Variants in TNK2 observed in about 807,000 individuals in gnomAD.
TNK2 encodes the protein tyrosine kinase non receptor 2, also known as activated CDC42 kinase 1.
In TNK2, 83 loss-of-function variants were observed where a neutral mutation model predicts 101.8. That is an observed-to-expected ratio of 0.82 (90% CI 0.68 to 0.98). TNK2 has a LOEUF of 0.98. Ranked by LOEUF, TNK2 falls within the 50% of genes least tolerant of loss-of-function variation. The probability of loss-of-function intolerance (pLI) is 0.00; values close to 1 mark genes in which losing one functional copy is unlikely to be tolerated. For synonymous variants in TNK2, 804 were observed against 633.0 expected, an observed-to-expected ratio of 1.27 and a Z score of -4.06; for missense variants, 1,665 against 1,483.2, an observed-to-expected ratio of 1.12 and a Z score of -2.01.
rs531444440 is a variant in TNK2, at chr3:195,868,058, C to A, written c.2240G>T (p.Gly747Val). 230 of 1,602,110 alleles carry A rather than the reference C, an allele frequency of 1.4e-4. No homozygotes were observed. Among genetic ancestry groups the A allele is most frequent in the Non-Finnish European group, 1.7e-4 (202 of 1,176,550 alleles). Residue 747 changes from glycine to valine, a missense_variant, in exon 13 of 16, where the codon GGG (glycine) becomes GTG (valine). By Grantham distance (109) the Gly-to-Val change is moderately radical. Around this residue, in one of 3 missense-constraint regions of TNK2, gnomAD observed 1,136 missense variants for 894.9 expected, o/e 1.27. Coordinates refer to ENST00000672887, the MANE Select transcript of TNK2 (RefSeq NM_001382273.1). ...AGGCACCTGGGGCTTGTCGTCACCC[C>A]CCGGGCTGGGAGAGGGGGCCGGGGA... is the stretch of plus-strand genomic sequence containing the variant. ...AGSPAPSPSP[G>V]GDDKPQVPPR...
intron 9 of TNK2, chr3:195,876,390 G>A (rs1028640590): frequency 7.7e-5 from 35 of 456,376 alleles, no homozygotes; most frequent in African/African-American, 6.6e-4. Flanking sequence ...GGCCAGGCTA[G>A]GAGGGAACTC....
intron 2 of TNK2, 135 bp from the exon 3 acceptor site, chr3:195,887,182 C>G (rs1756060258): frequency 1.2e-6 from 1 of 832,068 alleles, no homozygotes; most frequent in Admixed American, 2.3e-5. Flanking sequence ...TCAACCCCAA[C>G]TAACCCGGAG....
At chr3:195,889,928 G>A (rs370772852) in intron 1 of TNK2, among the ~76,000 whole-genome samples, 3 of 152,208 alleles carry the variant, frequency 2.0e-5, no homozygotes, top group South Asian at 2.1e-4. Context: ...CCCACTCAGC[G>A]GTGGCCTCCT....
At chr3:195,870,298 G>A in intron 10 of TNK2, 93 bp from the exon 11 acceptor site, 1 of 1,562,490 alleles carries the variant, frequency 6.4e-7, no homozygotes, top group African/African-American at 1.4e-5. Context: ...GAGGAAACCG[G>A]GTGTAGTCTT....
In TNK2 at chr3:195,888,385, A is replaced by C; in HGVS notation, c.163+41T>G. 2 of 1,596,470 alleles carry C rather than the reference A, an allele frequency of 1.3e-6. No individual in the cohort carries two copies. The highest frequency in any genetic ancestry group is 3.4e-4 in the Middle Eastern group (2 of 5,932). ...GTGGTCCTGAGGACAGAGGACGGAA[A>C]GGGTCAGGGGCAAGACAAGCCAGGC... is the stretch of plus-strand genomic sequence containing the variant. On this transcript the variant is annotated intron_variant, in intron 2 of 15. Transcript: ENST00000672887. The surrounding 1 kb of genome is among the most constrained non-coding windows in gnomAD (Gnocchi z 5.3).
At chr3:195,899,880 T>G (rs898384553) in intron 1 of TNK2, among the ~76,000 whole-genome samples, 3 of 152,038 alleles carry the variant, frequency 2.0e-5, no homozygotes, top group South Asian at 2.1e-4. Flanking sequence ...GGTGGCTGCT[T>G]CTTCCCCCGT....
In TNK2 at chr3:195,882,865, A is replaced by G. The variant is rs1753816480; in HGVS notation, c.609+292T>C. Among the ~76,000 whole-genome samples the G allele has an allele frequency of 6.6e-6, 1 of 152,188 alleles. No homozygotes were observed. The highest frequency in any genetic ancestry group is 1.5e-5 in the Non-Finnish European group (1 of 68,032). ...AAAGTGAGACTCCATCTCAAAATAA[A>G]TAGATAAATAAAACATAAATTCCCC... On this transcript the variant is annotated intron_variant, in intron 5 of 15. Transcript: ENST00000672887. This position sits in a 1 kb window ranked among gnomAD's most constrained non-coding sequence, Gnocchi z 4.2.
chr3:195,902,222 C>A (rs1200872746), intron 1 of TNK2, among the ~76,000 whole-genome samples: 1 of 152,158 alleles, frequency 6.6e-6, no homozygotes, highest in Non-Finnish European at 1.5e-5. Context: ...CGCCTGCAAT[C>A]CTCAAAAGCC....
chr3:195,869,389 A>ACC, intron 12 of TNK2, 108 bp downstream of exon 12: 2 of 529,378 alleles, frequency 3.8e-6, no homozygotes, highest in Non-Finnish European at 3.5e-6. Context: ...GCACACACCC[A>ACC]CCCACCTCCC....
chr3:195,892,082 C>T (rs1758719562), intron 1 of TNK2: 2 of 856,096 alleles, frequency 2.3e-6, no homozygotes, highest in Non-Finnish European at 1.5e-6. Context: ...AGTCCCCCTC[C>T]AGCCCAAGGT....
At chr3:195,872,536 C>T (rs985546969) in intron 9 of TNK2, 66 bp from the exon 10 acceptor site, 2 of 1,489,274 alleles carry the variant, frequency 1.3e-6, no homozygotes, top group African/African-American at 2.8e-5. Flanking sequence ...TGGGACCCTC[C>T]TCACACCCTG....
At chr3:195,867,311 G>A (rs746471792) in intron 13 of TNK2, 47 bp from the exon 14 acceptor site, 2 of 1,610,506 alleles carry the variant, frequency 1.2e-6, no homozygotes, top group South Asian at 1.1e-5. Context: ...CACTGCTCCA[G>A]GCCCCTTGGG....
chr3:195,880,685 C>T (rs1195590883), intron 6 of TNK2, among the ~76,000 whole-genome samples: 1 of 106,174 alleles, frequency 9.4e-6, no homozygotes, highest in African/African-American at 4.1e-5. Flanking sequence ...CAGCAATGAC[C>T]CTCGGAGAGG....
At chr3:195,894,943 A>T (rs908268604) in intron 1 of TNK2, among the ~76,000 whole-genome samples, 18 of 152,212 alleles carry the variant, frequency 1.2e-4, no homozygotes, top group Non-Finnish European at 1.5e-4. Context: ...ATACAGACTC[A>T]GTTCTCCTAA....
At chr3:195,895,217 T>G in intron 1 of TNK2, 1 of 1,486,630 alleles carries the variant, frequency 6.7e-7, no homozygotes, top group Non-Finnish European at 8.9e-7. Flanking sequence ...GGCCCAGGTA[T>G]CTGGCTATCC....
chr3:195,903,882 T>C (rs1761475461), intron 1 of TNK2, among the ~76,000 whole-genome samples: 1 of 152,148 alleles, frequency 6.6e-6, no homozygotes, highest in Admixed American at 6.5e-5. Context: ...CTTGCTAGAA[T>C]AAGTCAATTT....
rs1742337400 is a variant in TNK2 at position 195,868,299 on chromosome 3, T to C, written c.1999A>G (p.Ser667Gly). The change falls in exon 13 of 16, where the codon AGC becomes GGC. Residue 667 changes from serine (S) to glycine (G), a missense_variant. Around this residue, in one of 3 missense-constraint regions of TNK2, gnomAD observed 1,136 missense variants for 894.9 expected, o/e 1.27. Coordinates refer to ENST00000672887, the MANE Select transcript of TNK2 (RefSeq NM_001382273.1). ...EDDFEICSIN[S>G]TLVGAGVPAG... ...GGGACCCCCGCGCCCACGAGGGTGCTGTTGATGGAGCAGATCTCAAAGTCA... is the reference window on the plus strand; with the variant it reads ...GGGACCCCCGCGCCCACGAGGGTGCCGTTGATGGAGCAGATCTCAAAGTCA... 3 of 1,603,448 alleles carry C rather than the reference T, an allele frequency of 1.9e-6. No homozygotes were observed. The highest frequency in any genetic ancestry group is 2.5e-6 in the Non-Finnish European group (3 of 1,179,436).
Position 195,885,055 on chromosome 3 carries a change from C to T in TNK2, c.235-22G>A. 2.6e-6 allele frequency: 4 copies of T among 1,565,124 alleles called. No individual in the cohort carries two copies. Among genetic ancestry groups the T allele is most frequent in the Non-Finnish European group, 2.6e-6 (3 of 1,152,256 alleles). ...ACACCTGTTTGAAGGCAGCCGGGGGCCAGATGGAATCCAACACCCCAGGGT... is the reference window on the plus strand; with the variant it reads ...ACACCTGTTTGAAGGCAGCCGGGGGTCAGATGGAATCCAACACCCCAGGGT... On this transcript the variant is annotated intron_variant, in intron 3 of 15. Transcript: ENST00000672887. This position sits in a 1 kb window ranked among gnomAD's most constrained non-coding sequence, Gnocchi z 4.7.
intron 1 of TNK2, chr3:195,895,640 C>A: frequency 7.9e-7 from 1 of 1,272,924 alleles, no homozygotes; most frequent in Non-Finnish European, 9.9e-7. Context: ...CGGGGCTCTG[C>A]CTTCGCCGGC....
Sources: allele counts gnomAD v4.1 joint callset (sites outside exome capture counted in the v4.1 genomes callset), GRCh38; gene constraint gnomAD v4.1.1; regional missense constraint gnomAD v4.1.1; non-coding constraint Gnocchi (gnomAD v3.1); transcripts MANE v1.5; gene names NCBI Gene and HGNC (gene_info 2026-07-23, HGNC 2026-07-21).